Variants in ZNF107 observed in about 807,000 individuals in gnomAD.
ZNF107 encodes the protein zinc finger protein 107.
In ZNF107, 19 loss-of-function variants were observed where a neutral mutation model predicts 12.3. The ratio of observed to expected loss-of-function variants is 1.55; its 90% confidence interval spans 1.08 to 2.27. The LOEUF (loss-of-function observed/expected upper bound fraction) is 2.27. Among genes scored for constraint, ZNF107 ranks in the 30% most tolerant of loss-of-function variants. The pLI is 0.00. For missense variants in ZNF107, 958 were observed against 979.9 expected, an observed-to-expected ratio of 0.98 and a Z score of 0.30; for synonymous variants, 317 against 330.5, an observed-to-expected ratio of 0.96 and a Z score of 0.44.
intron 3 of ZNF107, among the ~76,000 whole-genome samples, chr7:64,700,496 C>A (rs985362444): frequency 2.8e-5 from 4 of 140,580 alleles, no homozygotes; most frequent in Admixed American, 1.5e-4. Flanking sequence ...TCAAACCAAG[C>A]CAAATAAACC....
intron 1 of ZNF107, among the ~76,000 whole-genome samples, chr7:64,676,880 G>A (rs1434441875): frequency 6.6e-6 from 1 of 151,810 alleles, no homozygotes; most frequent in African/African-American, 2.4e-5. Flanking sequence ...AAAAATTCAG[G>A]TTCCCTGCAT....
intron 1 of ZNF107, chr7:64,684,725 A>G: frequency 3.0e-6 from 3 of 985,306 alleles, no homozygotes; most frequent in Non-Finnish European, 2.4e-6. Context: ...AACTGGATAG[A>G]TGATCTCATC....
At position 64,678,474 on chromosome 7, in the gene ZNF107, G is replaced by A. The variant is rs1789513909; in HGVS notation, c.3+12189G>A. On this transcript the variant is annotated intron_variant, in intron 1 of 3. Coordinates refer to ENST00000620827, the MANE Select transcript of ZNF107 (RefSeq NM_001282359.2). ...ATTAGCATAGTTAGGTGTAGCATTT[G>A]TAGACAAACTGCATTCATATCAATT... 2.0e-5 allele frequency among the ~76,000 whole-genome samples: 3 copies of A among 152,150 alleles called. No homozygotes were observed. The South Asian group carries it at 6.2e-4, about 31-fold the overall frequency.
intron 1 of ZNF107, chr7:64,686,688 A>C: frequency 1.0e-6 from 1 of 969,668 alleles, no homozygotes; most frequent in Non-Finnish European, 1.2e-6. Context: ...AACAACCAAA[A>C]ACCACAAAAG....
chr7:64,708,641 G>C lies in ZNF107; in HGVS notation c.2544G>C (p.Glu848Asp), dbSNP rs4717205. 1 of 1,603,638 alleles carries C rather than the reference G, an allele frequency of 6.2e-7. No individual in the cohort carries two copies. Among genetic ancestry groups the C allele is most frequent in the African/African-American group, 1.3e-5 (1 of 74,130 alleles). ...IHTGEKPYKCEYGKT is the reference protein window; with the variant it reads ...IHTGEKPYKCDYGKT ...CTGGAGAGAAACCCTACAAATGTGA[G>C]TATGGCAAAACTTAATTGATCCTAC... is the stretch of plus-strand genomic sequence containing the variant. The change falls in exon 4 of 4, where the codon GAG becomes GAC. Residue 848 changes from glutamate (E) to aspartate (D), a missense_variant. Physicochemically the swap from Glu to Asp is conservative, Grantham distance 45. Coordinates refer to ENST00000620827, the MANE Select transcript of ZNF107 (RefSeq NM_001282359.2).
chr7:64,694,961 G>A (rs927259446), intron 3 of ZNF107, among the ~76,000 whole-genome samples: 6 of 151,768 alleles, frequency 4.0e-5, no homozygotes, highest in African/African-American at 1.5e-4. Context: ...ACAAATTATA[G>A]GATTTTCACC....
At chr7:64,671,887 T>C (rs1789243462) in intron 1 of ZNF107, among the ~76,000 whole-genome samples, 1 of 150,152 alleles carries the variant, frequency 6.7e-6, no homozygotes, top group South Asian at 2.1e-4. Flanking sequence ...GTTCAGGCCA[T>C]TCTCCTGCCT....
At chr7:64,701,462 G>C (rs1163008923) in intron 3 of ZNF107, among the ~76,000 whole-genome samples, 1 of 151,626 alleles carries the variant, frequency 6.6e-6, no homozygotes, top group East Asian at 1.9e-4. Flanking sequence ...GTAGAGACAG[G>C]GTTTACCATG....
chr7:64,693,564 A>G (rs981061609), intron 3 of ZNF107, among the ~76,000 whole-genome samples: 3 of 151,888 alleles, frequency 2.0e-5, no homozygotes, highest in Non-Finnish European at 4.4e-5. Context: ...TTGGGTCTGC[A>G]CTAGGGTCCA....
In ZNF107 at chr7:64,668,047, G is replaced by A. The variant is rs370326306; in HGVS notation, c.3+1762G>A. On this transcript the variant is annotated intron_variant, in intron 1 of 3. Coordinates refer to ENST00000620827, the MANE Select transcript of ZNF107 (RefSeq NM_001282359.2). ...AGTAGTCACTGAGGCATAGGGCAGT[G>A]TCTACAGAGAGGGTGGTCATTGGGC... 1.9e-3 allele frequency among the ~76,000 whole-genome samples: 294 copies of A among 152,164 alleles called. 1 individual carries two copies. The highest frequency in any genetic ancestry group is 6.2e-3 in the African/African-American group (259 of 41,520).
Position 64,707,676 on chromosome 7 carries a change from CATA to C in ZNF107, c.1581_1583del (p.His527_Lys528delinsGln), listed in dbSNP as rs764103716. ...TAGCCAGTCTTCAAACCTTACTGAA[CATA>C]AGAAAATTCATACTGGAGAGAAACC... On this transcript the variant is annotated inframe_deletion, in exon 4 of 4. Transcript: ENST00000620827. 6.2e-7 allele frequency: 1 copy of C among 1,612,624 alleles called. No individual in the cohort carries two copies. Among genetic ancestry groups the C allele is most frequent in the South Asian group, 1.1e-5 (1 of 90,992 alleles).
At chr7:64,671,085 A>G (rs375567847) in intron 1 of ZNF107, among the ~76,000 whole-genome samples, 3 of 152,152 alleles carry the variant, frequency 2.0e-5, no homozygotes, top group East Asian at 1.9e-4. Context: ...GCCAAAAGAA[A>G]GATATCACAG....
chr7:64,687,347 T>C, intron 1 of ZNF107: 26 of 985,422 alleles, frequency 2.6e-5, no homozygotes, highest in Non-Finnish European at 3.1e-5. Flanking sequence ...ATTCCCATTA[T>C]TGTGAAGGTG....
chr7:64,693,661 C>G (rs1790193815), intron 3 of ZNF107, among the ~76,000 whole-genome samples: 1 of 152,226 alleles, frequency 6.6e-6, no homozygotes, highest in South Asian at 2.1e-4. Flanking sequence ...GGATGTTGCT[C>G]TGCAGGGCAG....
chr7:64,678,789 G>A (rs1282748853), intron 1 of ZNF107, among the ~76,000 whole-genome samples: 1 of 152,086 alleles, frequency 6.6e-6, no homozygotes, highest in African/African-American at 2.4e-5. Flanking sequence ...TATTAGGGAA[G>A]CATGATTTTA....
At chr7:64,679,412 A>G in intron 1 of ZNF107, 3 of 945,146 alleles carry the variant, frequency 3.2e-6, no homozygotes, top group South Asian at 9.8e-5. Flanking sequence ...TGTTTCCTAA[A>G]TCTAACATTG....
At chr7:64,689,678 C>T (rs1238653359) in intron 1 of ZNF107, 3 of 63,812 alleles carry the variant, frequency 4.7e-5, no homozygotes, top group African/African-American at 2.0e-4. Context: ...CTGAGTCTCT[C>T]CTGCCTGCCT....
rs1204694899 is a variant in ZNF107 at position 64,710,639 on chromosome 7, AATT to A, written c.*1985_*1987del. On this transcript the variant is annotated 3_prime_UTR_variant, in exon 4 of 4. Transcript: ENST00000620827. ...ATTCAAATTATATTTTTTCTTGAAAAATTAGTTTTTGAAAAGCAAATGATGTAA... is the reference window on the plus strand; with the variant it reads ...ATTCAAATTATATTTTTTCTTGAAAAAGTTTTTGAAAAGCAAATGATGTAA... 1.0e-5 allele frequency: 1 copy of A among 96,502 alleles called. No homozygotes were observed. Among genetic ancestry groups the A allele is most frequent in the Non-Finnish European group, 2.0e-5 (1 of 49,478 alleles). 6.0% of individuals were successfully genotyped at this position (96,502 alleles called of 1,614,324 possible).
chr7:64,708,482 C>A lies in ZNF107; in HGVS notation c.2385C>A (p.Gly795=), dbSNP rs1204074573. Reference sequence around the variant, plus strand: ...AACCCTACAAATGTGAAGAATGTGGCAAATCCTTTAACCAGTTCTCATCTC... The same window carrying A: ...AACCCTACAAATGTGAAGAATGTGGAAAATCCTTTAACCAGTTCTCATCTC... ...SEKPYKCEEC[G]KSFNQFSSLN... Residue 795 remains glycine (G), a synonymous_variant, in exon 4 of 4, where the codon GGC becomes GGA. Coordinates refer to ENST00000620827, the MANE Select transcript of ZNF107 (RefSeq NM_001282359.2). 5 of 1,612,594 alleles carry A rather than the reference C, an allele frequency of 3.1e-6. No individual in the cohort carries two copies. Among genetic ancestry groups the A allele is most frequent in the Non-Finnish European group, 4.2e-6 (5 of 1,179,530 alleles).
Sources: gnomAD v4.1 joint callset for allele counts (sites outside exome capture counted in the v4.1 genomes callset) on GRCh38, gnomAD v4.1.1 for gene constraint, MANE v1.5 for transcripts, NCBI Gene and HGNC (gene_info 2026-07-23, HGNC 2026-07-21) for gene names.